ATP10D: variants seen among roughly 807,000 people sequenced by gnomAD.
The protein encoded by ATP10D is ATPase phospholipid transporting 10D (putative).
A neutral mutation model predicts 144.8 loss-of-function variants in ATP10D; 89 were observed. The observed-to-expected ratio is 0.61, with a 90% CI of 0.52 to 0.73. The LOEUF is 0.73. ATP10D is among the 30% of genes least tolerant of loss of function. The pLI, the probability that ATP10D is intolerant of heterozygous loss-of-function variation, is 0.00. For missense variants in ATP10D, 1,603 were observed against 1,714.8 expected (o/e 0.93, Z 1.15); for synonymous variants, 571 against 615.1 (o/e 0.93, Z 1.06).
intron 21 of ATP10D, among the ~76,000 whole-genome samples, chr4:47,585,939 C>T (rs531412762): frequency 2.0e-5 from 3 of 152,278 alleles, no homozygotes; most frequent in African/African-American, 7.2e-5. Flanking sequence ...CTATTGTAAA[C>T]AGTGCTGCAG....
At chr4:47,490,800 C>T (rs543651533) in intron 1 of ATP10D, among the ~76,000 whole-genome samples, 2 of 152,338 alleles carry the variant, frequency 1.3e-5, no homozygotes, top group South Asian at 4.1e-4. Flanking sequence ...CTTAGGAAGT[C>T]TCTAATGATC....
chr4:47,554,287 A>G (rs6843438), intron 10 of ATP10D, among the ~76,000 whole-genome samples: 37,072 of 152,136 alleles, frequency 0.24, 4,509 homozygotes, highest in Admixed American at 0.3. Flanking sequence ...AGTAACTTGA[A>G]CCATAAAATA....
chr4:47,586,914 T>A (rs1374780494), intron 21 of ATP10D, 105 bp from the exon 22 acceptor site: 1 of 959,546 alleles, frequency 1.0e-6, no homozygotes, highest in African/African-American at 1.6e-5. Flanking sequence ...ACACCATTCA[T>A]CCAGTGCTTA....
Position 47,580,435 on chromosome 4 carries a change from A to G in ATP10D, c.3605A>G (p.Asp1202Gly). Residue 1202 changes from aspartate (D) to glycine (G), a missense_variant, in exon 20 of 23, where the codon GAT becomes GGT. Transcript: ENST00000273859. The stretch of plus-strand genomic sequence containing the variant: ...CATACCTTCTGGATCACCTTATTGG[A>G]TGCTTTTTATCAAAGCCTGGTCTGC... ...LPHTFWITLLDAFYQSLVCFF... is the reference protein window; with the variant it reads ...LPHTFWITLLGAFYQSLVCFF... 1 of 1,613,756 alleles carries G rather than the reference A, an allele frequency of 6.2e-7. No homozygotes were observed. Among genetic ancestry groups the G allele is most frequent in the Non-Finnish European group, 8.5e-7 (1 of 1,179,822 alleles).
At chr4:47,508,883 C>T (rs570353322) in intron 1 of ATP10D, among the ~76,000 whole-genome samples, 2 of 152,226 alleles carry the variant, frequency 1.3e-5, no homozygotes, top group Admixed American at 6.5e-5. Context: ...GGTTTGTGAC[C>T]ACTGTGTTAA....
At chr4:47,511,802 G>A (rs944605540) in intron 1 of ATP10D, among the ~76,000 whole-genome samples, 10 of 152,186 alleles carry the variant, frequency 6.6e-5, no homozygotes, top group Admixed American at 5.9e-4. Flanking sequence ...TGTTATTTAT[G>A]TATTTATAGA....
At chr4:47,542,858 A>G (rs1718224830) in intron 9 of ATP10D, among the ~76,000 whole-genome samples, 1 of 152,170 alleles carries the variant, frequency 6.6e-6, no homozygotes, top group Non-Finnish European at 1.5e-5. Context: ...TTGCAATTGT[A>G]CTGACTGAAC....
chr4:47,515,670 G>T lies in ATP10D; in HGVS notation c.485G>T (p.Arg162Met). The change falls in exon 3 of 23, where the codon AGG (arginine) becomes ATG (methionine). Residue 162 changes from arginine (R) to methionine (M), a missense_variant and splice_region_variant. By Grantham distance (91) the Arg-to-Met change is moderately conservative. Coordinates refer to ENST00000273859, the MANE Select transcript of ATP10D (RefSeq NM_020453.4). ...INNLITKVYS[R>M]KEKKYIDRCW... ...AATTTAATAACTAAAGTTTATAGTA[G>T]GTAAGTGTAATGGGACCTTTGCTAA... The T allele has an allele frequency of 6.3e-7, 1 of 1,585,388 alleles. No homozygotes were observed. The highest frequency in any genetic ancestry group is 8.7e-7 in the Non-Finnish European group (1 of 1,154,938).
At chr4:47,546,592 G>T in intron 9 of ATP10D, 32 bp from the exon 10 acceptor site, 2 of 1,590,490 alleles carry the variant, frequency 1.3e-6, no homozygotes, top group South Asian at 2.2e-5. Context: ...GCTCTTCTCA[G>T]ACATTGACTC....
intron 15 of ATP10D, among the ~76,000 whole-genome samples, chr4:47,566,626 A>G (rs1719651819): frequency 6.6e-6 from 1 of 152,178 alleles, no homozygotes. Flanking sequence ...TTTTCTAATT[A>G]TATATTACAT....
intron 1 of ATP10D, among the ~76,000 whole-genome samples, chr4:47,489,760 A>T (rs940062071): frequency 3.3e-5 from 5 of 152,194 alleles, no homozygotes; most frequent in Admixed American, 6.5e-5. Flanking sequence ...TTCTGCTCAC[A>T]TTCACTGTTT....
chr4:47,503,256 G>T (rs1435697329), intron 1 of ATP10D, among the ~76,000 whole-genome samples: 1 of 152,086 alleles, frequency 6.6e-6, no homozygotes, highest in Non-Finnish European at 1.5e-5. Context: ...TATTGCTGTG[G>T]ATATTCCTTC....
chr4:47,503,277 A>G (rs1715814563), intron 1 of ATP10D, among the ~76,000 whole-genome samples: 1 of 152,168 alleles, frequency 6.6e-6, no homozygotes, highest in Admixed American at 6.5e-5. Flanking sequence ...CCTCAGTCTG[A>G]GTGAGAGGCT....
chr4:47,528,945 T>G (rs1471609201), intron 5 of ATP10D, among the ~76,000 whole-genome samples: 1 of 152,166 alleles, frequency 6.6e-6, no homozygotes, highest in Non-Finnish European at 1.5e-5. Flanking sequence ...GTTGGCCTCT[T>G]GTATGTCTTC....
At chr4:47,559,756 T>A (rs1719195407) in intron 13 of ATP10D, among the ~76,000 whole-genome samples, 2 of 152,106 alleles carry the variant, frequency 1.3e-5, no homozygotes, top group Non-Finnish European at 2.9e-5. Flanking sequence ...ACGCCTGTAA[T>A]CAGGAGGCTG....
chr4:47,513,816 T>C (rs1486113408), intron 2 of ATP10D, among the ~76,000 whole-genome samples: 1 of 152,178 alleles, frequency 6.6e-6, no homozygotes, highest in Non-Finnish European at 1.5e-5. Context: ...TATTTCACTA[T>C]GGAAGCAGTG....
chr4:47,523,235 G>GT lies in ATP10D; in HGVS notation c.690+21dup, dbSNP rs756905208. Reference sequence around the variant, plus strand: ...AGAACAGGTAAGTCATATGTTCTCAGTTAGTGGCTTATTAACATTTTTTTT... The same window carrying GT: ...AGAACAGGTAAGTCATATGTTCTCAGTTTAGTGGCTTATTAACATTTTTTTT... On this transcript the variant is annotated intron_variant, in intron 4 of 22. Coordinates refer to ENST00000273859, the MANE Select transcript of ATP10D (RefSeq NM_020453.4). The GT allele has an allele frequency of 6.3e-7, 1 of 1,598,410 alleles. No individual in the cohort carries two copies. The highest frequency in any genetic ancestry group is 2.2e-5 in the East Asian group (1 of 44,738).
intron 15 of ATP10D, among the ~76,000 whole-genome samples, chr4:47,565,519 C>T (rs1187492639): frequency 6.6e-6 from 1 of 152,086 alleles, no homozygotes; most frequent in Non-Finnish European, 1.5e-5. Context: ...AGTATGTGGC[C>T]TTAGGGAGTT....
At chr4:47,567,370 A>G (rs925237014) in intron 15 of ATP10D, among the ~76,000 whole-genome samples, 14 of 152,212 alleles carry the variant, frequency 9.2e-5, no homozygotes, top group Non-Finnish European at 7.3e-5. Context: ...GAAGAGTACA[A>G]AACCCTTTAT....
Sources: gnomAD v4.1 joint callset for allele counts (sites outside exome capture counted in the v4.1 genomes callset) on GRCh38, gnomAD v4.1.1 for gene constraint, MANE v1.5 for transcripts, NCBI Gene and HGNC (gene_info 2026-07-23, HGNC 2026-07-21) for gene names.